Variants in RNASEH2B observed in about 807,000 individuals in gnomAD.
RNASEH2B encodes the protein Aicardi-Goutieres syndrome 2 protein.
RNASEH2B carries 36 observed loss-of-function variants against 45.0 expected under a neutral mutation model. That is an observed-to-expected ratio of 0.80 (90% CI 0.61 to 1.06). The LOEUF (loss-of-function observed/expected upper bound fraction) is 1.06, where lower values mean the gene tolerates loss of function less well. Among genes scored for constraint, RNASEH2B ranks in the 50% least tolerant of loss-of-function variants. The pLI is 0.00. For missense variants in RNASEH2B, 361 were observed against 360.3 expected (o/e 1.00, Z -0.02); for synonymous variants, 119 against 125.7 (o/e 0.95, Z 0.35).
chr13:50,948,968 A>G (rs1188653315), intron 8 of RNASEH2B: 1 of 156,444 alleles, frequency 6.4e-6, no homozygotes, highest in South Asian at 1.9e-4. Context: ...ATGTCTTTGT[A>G]CTCCATTGTT....
chr13:50,952,703 AAC>A (rs1157807185), intron 9 of RNASEH2B: 6 of 152,324 alleles, frequency 3.9e-5, no homozygotes, highest in African/African-American at 1.4e-4. Flanking sequence ...ACCAAGCTGA[AAC>A]ATATATTCTT....
Position 50,956,695 on chromosome 13 carries a change from A to G in RNASEH2B, c.*221A>G. The G allele has an allele frequency of 7.8e-7, 1 of 1,283,866 alleles. No individual in the cohort carries two copies. Among genetic ancestry groups the G allele is most frequent in the Non-Finnish European group, 9.9e-7 (1 of 1,005,404 alleles). The allele number at this position is 1,283,866 out of a possible 1,614,324, so 79.5% of individuals were successfully genotyped here. On this transcript the variant is annotated 3_prime_UTR_variant, in exon 11 of 11. Transcript: ENST00000336617. ...TTGGAGTCTCATCTGACATAATGAA[A>G]AGTAATCACTTGAAGAGAATTAACA...
intron 4 of RNASEH2B, 42 bp from the exon 5 acceptor site, chr13:50,934,843 T>C (rs1383784803): frequency 1.5e-6 from 2 of 1,334,346 alleles, no homozygotes; most frequent in Admixed American, 3.6e-5. Context: ...TGAATGTCTT[T>C]GTTGAATGAA....
intron 3 of RNASEH2B, 90 bp downstream of exon 3, chr13:50,929,672 G>A: frequency 1.2e-6 from 1 of 826,204 alleles, no homozygotes; most frequent in Non-Finnish European, 2.1e-6. Flanking sequence ...CTGTCACCGG[G>A]TTTGGAGTCT....
chr13:50,910,112 C>T lies in RNASEH2B; in HGVS notation c.36C>T (p.Gly12=), dbSNP rs1355397592. 2.1e-6 allele frequency: 3 copies of T among 1,458,786 alleles called. No individual in the cohort carries two copies. The South Asian group carries it at 4.1e-5, about 20-fold the overall frequency. The allele number at this position is 1,458,786 out of a possible 1,614,324, so 90.4% of individuals were successfully genotyped here. ...AAGVDCGDGV[G]ARQHVFLVSE... Reference sequence around the variant, plus strand: ...GCGTGGACTGCGGGGACGGGGTTGGCGCCCGGCAGCACGTGTTCCTGGTTT... The same window carrying T: ...GCGTGGACTGCGGGGACGGGGTTGGTGCCCGGCAGCACGTGTTCCTGGTTT... Residue 12 remains glycine, a synonymous_variant, in exon 1 of 11, where the codon GGC becomes GGT. Coordinates refer to ENST00000336617, the MANE Select transcript of RNASEH2B (RefSeq NM_024570.4).
Position 50,948,066 on chromosome 13 carries a change from A to T in RNASEH2B, c.696A>T (p.Leu232Phe). ...TAAGTGATGACTTATCTAAATACTT[A>T]AAGTGAGTATTGATTATCTTCAGTC... is the stretch of plus-strand genomic sequence containing the variant. The part of the protein sequence containing the change: ...KELSDDLSKY[L>F]KLPEPSASLP... The change falls in exon 8 of 11, where the codon TTA becomes TTT. Residue 232 changes from leucine to phenylalanine, a missense_variant and splice_region_variant. Leu to Phe is a conservative substitution (Grantham distance 22). Coordinates refer to ENST00000336617, the MANE Select transcript of RNASEH2B (RefSeq NM_024570.4). 6.2e-7 allele frequency: 1 copy of T among 1,611,092 alleles called. No homozygotes were observed.
At chr13:50,935,120 A>G (rs1951731050) in intron 5 of RNASEH2B, 121 bp downstream of exon 5, 2 of 719,126 alleles carry the variant, frequency 2.8e-6, no homozygotes, top group Non-Finnish European at 5.0e-6. Flanking sequence ...GAAAACTATC[A>G]TTCAGATTTG....
chr13:50,934,658 C>G, intron 4 of RNASEH2B: 1 of 562,586 alleles, frequency 1.8e-6, no homozygotes, highest in South Asian at 2.1e-5. Context: ...GACTGTACAC[C>G]CAAGGTAGAT....
intron 4 of RNASEH2B, chr13:50,934,370 G>A (rs1166076841): frequency 6.4e-6 from 1 of 156,596 alleles, no homozygotes; most frequent in African/African-American, 2.4e-5. Context: ...TGGAAGCATT[G>A]TGAGGCAGCT....
At chr13:50,931,955 T>TAC (rs60335654) in intron 4 of RNASEH2B, among the ~76,000 whole-genome samples, 6,634 of 148,930 alleles carry the variant, frequency 0.045, 152 homozygotes, top group Middle Eastern at 0.076. Context: ...CATCTCATTT[T>TAC]ACACACACAC....
intron 1 of RNASEH2B, among the ~76,000 whole-genome samples, chr13:50,918,284 C>T (rs1477982274): frequency 6.6e-5 from 10 of 152,062 alleles, no homozygotes; most frequent in Non-Finnish European, 5.9e-5. Context: ...ACTACAGGCA[C>T]CCGCCACCAT....
chr13:50,946,070 A>G (rs991612069), intron 7 of RNASEH2B, among the ~76,000 whole-genome samples: 3 of 152,146 alleles, frequency 2.0e-5, no homozygotes, highest in African/African-American at 7.2e-5. Context: ...ATGTTTCCTG[A>G]TACAGGGATC....
intron 1 of RNASEH2B, among the ~76,000 whole-genome samples, chr13:50,917,390 A>G (rs1015181292): frequency 5.3e-5 from 8 of 152,174 alleles, no homozygotes; most frequent in African/African-American, 1.9e-4. Flanking sequence ...ACTGGCTTGT[A>G]TATAGGTATA....
chr13:50,949,566 A>G (rs1055161129), intron 9 of RNASEH2B, 61 bp downstream of exon 9: 1 of 1,440,564 alleles, frequency 6.9e-7, no homozygotes, highest in Admixed American at 1.7e-5. Context: ...CTCTTACCAC[A>G]TGAGTTTAGT....
At chr13:50,941,683 G>A (rs1369336841) in intron 5 of RNASEH2B, 2 of 152,120 alleles carry the variant, frequency 1.3e-5, no homozygotes, top group African/African-American at 4.8e-5. Flanking sequence ...TTTGTACATC[G>A]GTTGGGACAT....
downstream of RNASEH2B, among the ~76,000 whole-genome samples, chr13:50,960,328 C>T (rs968650317): frequency 6.6e-6 from 1 of 151,964 alleles, no homozygotes; most frequent in African/African-American, 2.4e-5. Flanking sequence ...CTAATAGTTA[C>T]ACCTCTTTTA....
chr13:50,954,926 T>C (rs1193131151), intron 10 of RNASEH2B: 1 of 152,236 alleles, frequency 6.6e-6, no homozygotes, highest in African/African-American at 2.4e-5. Flanking sequence ...TTTTTCCAAA[T>C]GCTTATGGCC....
chr13:50,957,914 G>A (rs1952071658), downstream of RNASEH2B, among the ~76,000 whole-genome samples: 1 of 152,140 alleles, frequency 6.6e-6, no homozygotes, highest in Non-Finnish European at 1.5e-5. Flanking sequence ...CTTTTGAGAA[G>A]TGTCTGTTTA....
intron 1 of RNASEH2B, among the ~76,000 whole-genome samples, chr13:50,925,694 A>G (rs1225262357): frequency 6.6e-6 from 1 of 152,178 alleles, no homozygotes; most frequent in Non-Finnish European, 1.5e-5. Context: ...TGCTCCCTCG[A>G]ATCTGTTTAG....
Sources: allele counts gnomAD v4.1 joint callset (sites outside exome capture counted in the v4.1 genomes callset), GRCh38; gene constraint gnomAD v4.1.1; transcripts MANE v1.5; gene names NCBI Gene and HGNC (gene_info 2026-07-23, HGNC 2026-07-21).